BAZ2B: variants seen among roughly 807,000 people sequenced by gnomAD.
The protein encoded by BAZ2B is bromodomain adjacent to zinc finger domain 2B, also known as bromodomain adjacent to zinc finger domain protein 2B.
BAZ2B carries 91 observed loss-of-function variants against 246.0 expected under a neutral mutation model. That is an observed-to-expected ratio of 0.37 (90% CI 0.31 to 0.44). The LOEUF (loss-of-function observed/expected upper bound fraction) is 0.44. BAZ2B is among the 20% of genes least tolerant of loss of function. The pLI, the probability that BAZ2B is intolerant of heterozygous loss-of-function variation, is 1.00. For missense variants in BAZ2B, 2,332 were observed against 2,533.7 expected (o/e 0.92, Z 1.71); for synonymous variants, 855 against 860.0 (o/e 0.99, Z 0.10).
chr2:159,472,157 T>C (rs1362581647), intron 3 of BAZ2B, among the ~76,000 whole-genome samples: 1 of 152,240 alleles, frequency 6.6e-6, no homozygotes, highest in Non-Finnish European at 1.5e-5. Context: ...TAGTTCTCCT[T>C]GAAGAGGTCC....
chr2:159,690,099 G>A, the BAZ2B span: 1 of 542,680 alleles, frequency 1.8e-6, no homozygotes, highest in Non-Finnish European at 3.0e-6. Context: ...TCATCATTCT[G>A]CAAATCAGCA....
At chr2:159,432,724 G>C (rs769712653) in intron 9 of BAZ2B, 33 bp downstream of exon 9, 2 of 1,591,066 alleles carry the variant, frequency 1.3e-6, no homozygotes, top group Non-Finnish European at 1.7e-6. Flanking sequence ...ATAGCATTTA[G>C]AGAAATACTT....
intron 21 of BAZ2B, among the ~76,000 whole-genome samples, chr2:159,388,577 T>A (rs12692548): frequency 0.75 from 114,161 of 151,962 alleles, 45,111 homozygotes; most frequent in Middle Eastern, 0.91. Flanking sequence ...CCTTAACCTC[T>A]TTGTGTCTCA....
At chr2:159,412,271 T>C (rs1044165659) in intron 14 of BAZ2B, 64 bp downstream of exon 14, 3 of 1,499,838 alleles carry the variant, frequency 2.0e-6, no homozygotes, top group Middle Eastern at 1.8e-4. Flanking sequence ...GTCAAAAATA[T>C]TAGAAATACT....
At chr2:159,612,600 A>T (rs1367532951) in intron 1 of BAZ2B, among the ~76,000 whole-genome samples, 1 of 152,156 alleles carries the variant, frequency 6.6e-6, no homozygotes, top group Non-Finnish European at 1.5e-5. Flanking sequence ...AGGAGATAAG[A>T]CAGAAATCCT....
At chr2:159,359,450 T>C (rs1328454218) in intron 27 of BAZ2B, among the ~76,000 whole-genome samples, 5 of 152,134 alleles carry the variant, frequency 3.3e-5, no homozygotes, top group Admixed American at 1.3e-4. Flanking sequence ...GTTCTGAAAC[T>C]GAGGCAATAA....
At chr2:159,496,778 C>T (rs1342438595) in intron 2 of BAZ2B, among the ~76,000 whole-genome samples, 11 of 94,390 alleles carry the variant, frequency 1.2e-4, no homozygotes, top group Admixed American at 3.6e-4. Context: ...AGGGAAACTC[C>T]GTCTCAAAAA....
the BAZ2B span, chr2:159,695,077 C>T: frequency 3.3e-4 from 51 of 152,240 alleles, 2 homozygotes; most frequent in East Asian, 7.7e-3. Context: ...ACTGCTGAGG[C>T]TGAGCATATA....
chr2:159,435,398 C>G, intron 8 of BAZ2B: 1 of 151,980 alleles, frequency 6.6e-6, no homozygotes, highest in East Asian at 1.9e-4. Context: ...ACTCTGTTGC[C>G]AGGCTGGAGT....
intron 6 of BAZ2B, among the ~76,000 whole-genome samples, chr2:159,442,045 C>G (rs1290736792): frequency 6.6e-6 from 1 of 151,928 alleles, no homozygotes; most frequent in African/African-American, 2.4e-5. Flanking sequence ...CTAGTGAGAA[C>G]TAGAAGAAGA....
the BAZ2B span, chr2:159,695,291 T>TCACA: frequency 6.6e-6 from 1 of 152,176 alleles, no homozygotes; most frequent in African/African-American, 2.4e-5. Flanking sequence ...AACCTTTTTC[T>TCACA]CACATTCTAT....
chr2:159,693,407 T>C, the BAZ2B span: 1 of 149,624 alleles, frequency 6.7e-6, no homozygotes, highest in Non-Finnish European at 1.5e-5. Flanking sequence ...ATGAAATATA[T>C]TTGCCTTAAA....
chr2:159,323,113 T>A (rs940620048), intron 36 of BAZ2B, among the ~76,000 whole-genome samples: 2 of 151,564 alleles, frequency 1.3e-5, no homozygotes, highest in Non-Finnish European at 2.9e-5. Context: ...CATCCCTGAG[T>A]AGCTGGGACT....
intron 8 of BAZ2B, chr2:159,434,493 C>G (rs973877640): frequency 1.3e-5 from 2 of 152,048 alleles, no homozygotes; most frequent in African/African-American, 2.4e-5. Context: ...ACTATATGTA[C>G]TCTTATGCCA....
intron 13 of BAZ2B, among the ~76,000 whole-genome samples, chr2:159,420,752 A>G (rs2068603932): frequency 6.6e-6 from 1 of 152,228 alleles, no homozygotes; most frequent in African/African-American, 2.4e-5. Flanking sequence ...TTTTATTACC[A>G]AAATATGTCT....
At chr2:159,547,691 C>T (rs2087570809) in intron 2 of BAZ2B, among the ~76,000 whole-genome samples, 1 of 152,158 alleles carries the variant, frequency 6.6e-6, no homozygotes, top group African/African-American at 2.4e-5. Context: ...CTGCTGATTA[C>T]AATAAGAAAA....
chr2:159,679,145 G>C, the BAZ2B span, among the ~76,000 whole-genome samples: 8 of 151,986 alleles, frequency 5.3e-5, 1 homozygote, highest in South Asian at 1.7e-3. Context: ...GGTGGCGGGC[G>C]CCTGTAGTCC....
At chr2:159,673,182 A>G in the BAZ2B span, among the ~76,000 whole-genome samples, 3 of 151,524 alleles carry the variant, frequency 2.0e-5, no homozygotes, top group South Asian at 6.3e-4. Context: ...CTAAAATCCC[A>G]ATAGAAAAAT....
chr2:159,627,812 T>C, the BAZ2B span, among the ~76,000 whole-genome samples: 1 of 152,170 alleles, frequency 6.6e-6, no homozygotes, highest in Non-Finnish European at 1.5e-5. Context: ...TTGGAAGTTC[T>C]GGCCAGGGCA....
Sources: allele counts gnomAD v4.1 joint callset (sites outside exome capture counted in the v4.1 genomes callset), GRCh38; gene constraint gnomAD v4.1.1; transcripts MANE v1.5; gene names NCBI Gene and HGNC (gene_info 2026-07-23, HGNC 2026-07-21).